Variants in LPP observed in about 807,000 individuals in gnomAD.
The protein encoded by LPP is lipoma-preferred partner.
Under a neutral mutation model 60.4 loss-of-function variants are expected in LPP, and 38 were observed. The observed-to-expected ratio is 0.63, with a 90% CI of 0.49 to 0.83. LPP has a LOEUF of 0.83. LPP is among the 40% of genes least tolerant of loss of function. LPP has a pLI of 0.00. For synonymous variants in LPP, 328 were observed against 290.8 expected (o/e 1.13, Z -1.30); for missense variants, 902 against 783.6 (o/e 1.15, Z -1.80).
intron 7 of LPP, among the ~76,000 whole-genome samples, chr3:188,656,391 T>C (rs760896794): frequency 2.6e-5 from 4 of 152,174 alleles, no homozygotes; most frequent in Non-Finnish European, 5.9e-5. Context: ...TTTCTTAAAG[T>C]TGATCTTCAA....
In LPP at chr3:188,884,815, C is replaced by T. The variant is rs1186898245; in HGVS notation, c.*10336C>T. 8.8e-6 allele frequency: 2 copies of T among 226,436 alleles called. No individual in the cohort carries two copies. The highest frequency in any genetic ancestry group is 1.3e-4 in the East Asian group (2 of 15,798). 14.0% of individuals were successfully genotyped at this position (226,436 alleles called of 1,614,324 possible). A position where few individuals can be genotyped will look rare whatever the true frequency, so the allele number is the denominator to read the frequency against. ...CCATTCACATTTACTGAGAGCACAC[C>T]ACGTGCATGTTGCTGCAACAGGCAT... On this transcript the variant is annotated 3_prime_UTR_variant, in exon 12 of 12. Transcript: ENST00000617246.
At chr3:188,467,974 C>T (rs770945140) in intron 4 of LPP, among the ~76,000 whole-genome samples, 3 of 152,082 alleles carry the variant, frequency 2.0e-5, no homozygotes, top group African/African-American at 4.8e-5. Context: ...CAACAGAAAA[C>T]GAATACACAC....
chr3:188,173,886 G>C (rs527421635), intron 1 of LPP, among the ~76,000 whole-genome samples: 2 of 152,166 alleles, frequency 1.3e-5, no homozygotes, highest in South Asian at 2.1e-4. Context: ...AACTATCGGG[G>C]ACTCCCAAAA....
At chr3:188,790,315 G>A (rs543354454) in intron 9 of LPP, among the ~76,000 whole-genome samples, 1 of 152,132 alleles carries the variant, frequency 6.6e-6, no homozygotes, top group Admixed American at 6.5e-5. Context: ...TTTCAAACAT[G>A]AGTGTTTATA....
At position 188,522,884 on chromosome 3, in the gene LPP, ATG is replaced by A. The variant is rs751876213; in HGVS notation, c.307-1765_307-1764del. Among the ~76,000 whole-genome samples the A allele has an allele frequency of 3.1e-3, 437 of 141,042 alleles. 4 individuals carry two copies. Among genetic ancestry groups the A allele is most frequent in the African/African-American group, 8.2e-3 (325 of 39,758 alleles). 92.5% of individuals were successfully genotyped at this position (141,042 alleles called of 152,430 possible). ...GTATATATATATGTTTGAGACATAT[ATG>A]TGTGTGTGTGTGTGTATATACATAT... is the stretch of plus-strand genomic sequence containing the variant. On this transcript the variant is annotated intron_variant, in intron 5 of 11. Coordinates refer to ENST00000617246, the MANE Select transcript of LPP (RefSeq NM_001375462.1).
intron 5 of LPP, among the ~76,000 whole-genome samples, chr3:188,486,518 G>A (rs974556407): frequency 9.9e-5 from 15 of 152,252 alleles, no homozygotes; most frequent in Middle Eastern, 3.4e-3. Flanking sequence ...AGAAGGCGAC[G>A]CTTAAATGAG....
In LPP at chr3:188,793,478, G is replaced by A. The variant is rs536127904; in HGVS notation, c.1410+33196G>A. Among the ~76,000 whole-genome samples the A allele has an allele frequency of 3.9e-5, 6 of 152,050 alleles. No homozygotes were observed. The South Asian group carries it at 8.3e-4, about 21-fold the overall frequency. On this transcript the variant is annotated intron_variant, in intron 9 of 11. Transcript: ENST00000617246. ...ATTACAAGCATGAGCCACCATGCCC[G>A]GCCACTTTCTCATTATACTGATAGC...
At chr3:188,360,337 G>A (rs1053908335) in intron 3 of LPP, among the ~76,000 whole-genome samples, 2 of 152,068 alleles carry the variant, frequency 1.3e-5, no homozygotes, top group Admixed American at 1.3e-4. Context: ...CTTCTTTAAA[G>A]CATAGTTCAA....
intron 2 of LPP, among the ~76,000 whole-genome samples, chr3:188,232,156 T>C (rs776090310): frequency 3.3e-5 from 5 of 152,040 alleles, no homozygotes; most frequent in Non-Finnish European, 7.4e-5. Flanking sequence ...TCCCTTAGAG[T>C]CCACATTCAC....
At chr3:188,425,167 T>A (rs904031764) in intron 4 of LPP, among the ~76,000 whole-genome samples, 3 of 152,200 alleles carry the variant, frequency 2.0e-5, no homozygotes, top group African/African-American at 7.2e-5. Context: ...GGTGTTGAAT[T>A]TTGTTGAAGG....
chr3:188,662,580 A>G (rs745826005), intron 7 of LPP, among the ~76,000 whole-genome samples: 4 of 152,238 alleles, frequency 2.6e-5, no homozygotes, highest in Non-Finnish European at 5.9e-5. Flanking sequence ...TTTAAATTTA[A>G]AGATTGACTT....
chr3:188,257,947 G>A (rs1732218819), intron 2 of LPP, among the ~76,000 whole-genome samples: 1 of 152,242 alleles, frequency 6.6e-6, no homozygotes, highest in Admixed American at 6.5e-5. Flanking sequence ...ATTAAAGCCT[G>A]TAAATTGAAT....
chr3:188,370,063 GATTAC>G (rs1772538310), intron 3 of LPP, among the ~76,000 whole-genome samples: 1 of 152,136 alleles, frequency 6.6e-6, no homozygotes, highest in Non-Finnish European at 1.5e-5. Context: ...GAGTAGCTGG[GATTAC>G]AGGTGCCTAC....
intron 7 of LPP, among the ~76,000 whole-genome samples, chr3:188,640,507 T>G (rs1163959954): frequency 6.8e-6 from 1 of 147,452 alleles, no homozygotes; most frequent in African/African-American, 2.6e-5. Flanking sequence ...ACCCTAAAAC[T>G]TAAAGTATAA....
intron 6 of LPP, among the ~76,000 whole-genome samples, chr3:188,548,660 G>C (rs968947238): frequency 6.6e-6 from 1 of 152,326 alleles, no homozygotes; most frequent in Admixed American, 6.5e-5. Context: ...GAAGAGGAAA[G>C]AGAAGGCAGA....
chr3:188,156,517 TGA>T (rs776203634), intron 1 of LPP, among the ~76,000 whole-genome samples: 2 of 152,032 alleles, frequency 1.3e-5, no homozygotes, highest in Non-Finnish European at 2.9e-5. Flanking sequence ...CCAATTCCAA[TGA>T]GAGAGGTAAT....
chr3:188,252,076 A>ATATACACG (rs1729948052), intron 2 of LPP, among the ~76,000 whole-genome samples: 1 of 73,986 alleles, frequency 1.4e-5, no homozygotes, highest in African/African-American at 5.4e-5. Flanking sequence ...ATATATATAT[A>ATATACACG]CACACACACA....
At chr3:188,797,047 T>C (rs1281925228) in intron 9 of LPP, among the ~76,000 whole-genome samples, 5 of 152,038 alleles carry the variant, frequency 3.3e-5, no homozygotes, top group African/African-American at 1.2e-4. Flanking sequence ...TGACAACAAA[T>C]TGGTTGGTTT....
chr3:188,673,091 A>T (rs1857276493), intron 7 of LPP, among the ~76,000 whole-genome samples: 1 of 152,102 alleles, frequency 6.6e-6, no homozygotes, highest in African/African-American at 2.4e-5. Context: ...GCATATAAAT[A>T]ACTTTCTTAT....
Sources: allele counts gnomAD v4.1 joint callset (sites outside exome capture counted in the v4.1 genomes callset), GRCh38; gene constraint gnomAD v4.1.1; transcripts MANE v1.5; gene names NCBI Gene and HGNC (gene_info 2026-07-23, HGNC 2026-07-21).